NOX4: variants seen among roughly 807,000 people sequenced by gnomAD.
NOX4 encodes kidney oxidase-1.
Under a neutral mutation model 87.6 loss-of-function variants are expected in NOX4, and 69 were observed. The observed-to-expected ratio is 0.79, with a 90% CI of 0.65 to 0.96. NOX4 has a LOEUF of 0.96. Among genes scored for constraint, NOX4 ranks in the 40% least tolerant of loss-of-function variants. The probability of loss-of-function intolerance (pLI) is 0.00; values close to 1 mark genes in which losing one functional copy is unlikely to be tolerated. For missense variants in NOX4, 680 were observed against 681.5 expected (o/e 1.00, Z 0.02); for synonymous variants, 275 against 238.2 (o/e 1.15, Z -1.42).
chr11:89,577,504 T>C, the NOX4 span: 3 of 152,154 alleles, frequency 2.0e-5, no homozygotes, highest in African/African-American at 7.2e-5. Context: ...TTTACAAATA[T>C]TGCTTGCCAT....
chr11:89,357,215 TG>T (rs1938133385), intron 12 of NOX4, among the ~76,000 whole-genome samples: 1 of 132,588 alleles, frequency 7.5e-6, no homozygotes, highest in Non-Finnish European at 1.5e-5. Context: ...TGGCTTCTAC[TG>T]TTTTTTTTTC....
intron 7 of NOX4, among the ~76,000 whole-genome samples, chr11:89,430,466 G>A (rs990630254): frequency 6.6e-6 from 1 of 152,162 alleles, no homozygotes; most frequent in Admixed American, 6.5e-5. Flanking sequence ...TATCATCTCA[G>A]CCCAAAATCT....
At chr11:89,394,744 C>A (rs551329958) in intron 11 of NOX4, among the ~76,000 whole-genome samples, 1 of 151,754 alleles carries the variant, frequency 6.6e-6, no homozygotes, top group Non-Finnish European at 1.5e-5. Context: ...TGAGTGAGAA[C>A]ATGTGGTGTT....
intron 12 of NOX4, among the ~76,000 whole-genome samples, chr11:89,361,552 A>G (rs576779287): frequency 1.4e-3 from 219 of 152,208 alleles, no homozygotes; most frequent in Non-Finnish European, 2.5e-3. Flanking sequence ...AAAAATCACC[A>G]CTAAAGAATT....
At chr11:89,366,803 T>G (rs546398289) in intron 12 of NOX4, among the ~76,000 whole-genome samples, 73 of 152,234 alleles carry the variant, frequency 4.8e-4, no homozygotes, top group African/African-American at 1.8e-3. Flanking sequence ...CGAATAAAAC[T>G]TAATGACTGG....
At chr11:89,373,641 G>A (rs1939623553) in intron 11 of NOX4, 149 bp from the exon 12 acceptor site, 2 of 518,278 alleles carry the variant, frequency 3.9e-6, no homozygotes, top group African/African-American at 1.9e-5. Flanking sequence ...CCTTATTAGT[G>A]GAAGAAAAAA....
the NOX4 span, among the ~76,000 whole-genome samples, chr11:89,582,700 T>A: frequency 6.6e-6 from 1 of 152,220 alleles, no homozygotes; most frequent in East Asian, 1.9e-4. Flanking sequence ...GTTCCCTGCT[T>A]AAAGTTTAAC....
intron 8 of NOX4, among the ~76,000 whole-genome samples, chr11:89,418,162 A>G (rs929210756): frequency 3.9e-5 from 6 of 151,944 alleles, no homozygotes; most frequent in Non-Finnish European, 8.8e-5. Flanking sequence ...CCTAAATAAT[A>G]CCGATTGCAA....
intron 7 of NOX4, among the ~76,000 whole-genome samples, chr11:89,423,181 C>T (rs930926760): frequency 6.6e-6 from 1 of 152,104 alleles, no homozygotes; most frequent in South Asian, 2.1e-4. Flanking sequence ...TTAATACACG[C>T]TGCCAATTGC....
At chr11:89,546,917 C>G in the NOX4 span, among the ~76,000 whole-genome samples, 3 of 152,300 alleles carry the variant, frequency 2.0e-5, 1 homozygote, top group Middle Eastern at 6.8e-3. Context: ...GTTTCCAACA[C>G]ACAAACTTTG....
At chr11:89,346,808 G>A (rs317201) in intron 13 of NOX4, among the ~76,000 whole-genome samples, 2,206 of 152,258 alleles carry the variant, frequency 0.014, 50 homozygotes, top group African/African-American at 0.051. Flanking sequence ...AGATCTCTGA[G>A]CCAAAATCTT....
At chr11:89,384,310 C>T (rs1451593727) in intron 11 of NOX4, among the ~76,000 whole-genome samples, 1 of 152,110 alleles carries the variant, frequency 6.6e-6, no homozygotes, top group African/African-American at 2.4e-5. Flanking sequence ...TGGACTGACC[C>T]TGACACCCAT....
chr11:89,390,046 T>C (rs1366665141), intron 11 of NOX4, among the ~76,000 whole-genome samples: 1 of 152,190 alleles, frequency 6.6e-6, no homozygotes, highest in Non-Finnish European at 1.5e-5. Context: ...GGAATCACCA[T>C]ATGGGAAATT....
chr11:89,511,685 C>T, the NOX4 span, among the ~76,000 whole-genome samples: 1 of 151,956 alleles, frequency 6.6e-6, no homozygotes, highest in East Asian at 1.9e-4. Context: ...AAAGTGGAAG[C>T]TTCCTAAAAT....
chr11:89,526,659 T>C, the NOX4 span, among the ~76,000 whole-genome samples: 1 of 152,238 alleles, frequency 6.6e-6, no homozygotes, highest in African/African-American at 2.4e-5. Context: ...TTTAAGGGGC[T>C]CTTCCCTGGC....
intron 12 of NOX4, among the ~76,000 whole-genome samples, chr11:89,366,448 T>C (rs557460806): frequency 9.8e-4 from 149 of 152,076 alleles, no homozygotes; most frequent in African/African-American, 3.4e-3. Flanking sequence ...GAGGCCGAGG[T>C]GGGCTGATCG....
At chr11:89,508,410 A>G in the NOX4 span, among the ~76,000 whole-genome samples, 2 of 152,222 alleles carry the variant, frequency 1.3e-5, no homozygotes, top group South Asian at 2.1e-4. Context: ...TTTAATCACC[A>G]GTAACTCTGA....
intron 4 of NOX4, 77 bp from the exon 5 acceptor site, chr11:89,444,309 C>A (rs1181934640): frequency 1.2e-5 from 15 of 1,212,706 alleles, no homozygotes; most frequent in Non-Finnish European, 2.4e-6. Flanking sequence ...CTTCCTCTCC[C>A]TAAGTAAATA....
chr11:89,484,315 T>C (rs1030394075), intron 2 of NOX4, among the ~76,000 whole-genome samples: 1 of 152,056 alleles, frequency 6.6e-6, no homozygotes, highest in Non-Finnish European at 1.5e-5. Flanking sequence ...TCAGAATAAA[T>C]TTAAATAAAA....
Sources: allele counts gnomAD v4.1 joint callset (sites outside exome capture counted in the v4.1 genomes callset), GRCh38; gene constraint gnomAD v4.1.1; transcripts MANE v1.5; gene names NCBI Gene and HGNC (gene_info 2026-07-23, HGNC 2026-07-21).